The following ATF6 variants were observed in gnomAD, a reference collection of about 807,000 sequenced individuals.
ATF6 encodes activating transcription factor 6.
Under a neutral mutation model 83.6 loss-of-function variants are expected in ATF6, and 53 were observed. The ratio of observed to expected loss-of-function variants is 0.63; its 90% CI spans 0.51 to 0.80. The LOEUF is 0.80. Ranked by LOEUF, ATF6 falls within the 30% of genes least tolerant of loss-of-function variation. ATF6 has a pLI of 0.00. For synonymous variants in ATF6, 288 were observed against 285.8 expected, an observed-to-expected ratio of 1.01 and a Z score of -0.08; for missense variants, 744 against 797.9, an observed-to-expected ratio of 0.93 and a Z score of 0.81.
In ATF6 at chr1:161,866,743, TTTTG is replaced by T. The variant is rs531944067; in HGVS notation, c.1719+3451_1719+3454del. Among the ~76,000 whole-genome samples the T allele has an allele frequency of 4.9e-3, 752 of 152,216 alleles. 1 individual carries two copies. The highest frequency in any genetic ancestry group is 7.8e-3 in the Non-Finnish European group (530 of 68,002). On this transcript the variant is annotated intron_variant, in intron 14 of 15. Coordinates refer to ENST00000367942, the MANE Select transcript of ATF6 (RefSeq NM_007348.4). Reference sequence around the variant, plus strand: ...AAAATCCAATTAAGTTTAATGCCTTTTTTGTTTGTTTGTTTGTTTGTTTTAAGAG... The same window carrying T: ...AAAATCCAATTAAGTTTAATGCCTTTTTTGTTTGTTTGTTTGTTTTAAGAG...
intron 14 of ATF6, among the ~76,000 whole-genome samples, chr1:161,864,949 A>C (rs538390616): frequency 2.6e-5 from 4 of 152,366 alleles, no homozygotes; most frequent in South Asian, 2.1e-4. Flanking sequence ...ATTGTGTTGA[A>C]GTATATTTTA....
At chr1:161,860,507 T>TA (rs1055685610) in intron 13 of ATF6, among the ~76,000 whole-genome samples, 18 of 151,802 alleles carry the variant, frequency 1.2e-4, no homozygotes, top group Non-Finnish European at 2.7e-4. Context: ...ATCCCTTAAA[T>TA]ACAAATTTAG....
At chr1:161,889,666 T>G (rs1687507470) in intron 14 of ATF6, among the ~76,000 whole-genome samples, 1 of 152,268 alleles carries the variant, frequency 6.6e-6, no homozygotes, top group Non-Finnish European at 1.5e-5. Flanking sequence ...GTTTACAGTC[T>G]GAGGTGACAG....
Position 161,958,807 on chromosome 1 carries a change from C to A in ATF6, c.*153C>A. On this transcript the variant is annotated 3_prime_UTR_variant, in exon 16 of 16. Transcript: ENST00000367942. Reference sequence around the variant, plus strand: ...GAAGAAGAAATAAAAGAAGCTGCTCCATTTTTCATCATCTACCCATCTATT... The same window carrying A: ...GAAGAAGAAATAAAAGAAGCTGCTCAATTTTTCATCATCTACCCATCTATT... The A allele has an allele frequency of 1.6e-6, 1 of 609,118 alleles. No homozygotes were observed. The highest frequency in any genetic ancestry group is 1.9e-5 in the African/African-American group (1 of 54,034). The allele number at this position is 609,118 out of a possible 1,614,324, so 37.7% of individuals were successfully genotyped here.
chr1:161,868,495 A>T (rs1687057700), intron 14 of ATF6, among the ~76,000 whole-genome samples: 6 of 152,068 alleles, frequency 3.9e-5, no homozygotes, highest in Admixed American at 3.3e-4. Context: ...CTATATGATA[A>T]GCCTTTTGAA....
chr1:161,847,151 G>A (rs1686504034), intron 10 of ATF6, among the ~76,000 whole-genome samples: 1 of 152,100 alleles, frequency 6.6e-6, no homozygotes, highest in South Asian at 2.1e-4. Context: ...AAGGTATAGT[G>A]GACATTTTTA....
chr1:161,844,273 CT>C (rs2101816520), intron 9 of ATF6, among the ~76,000 whole-genome samples: 1 of 152,184 alleles, frequency 6.6e-6, no homozygotes, highest in South Asian at 2.1e-4. Flanking sequence ...TCAGACTATG[CT>C]GTAAAGAGGA....
intron 12 of ATF6, among the ~76,000 whole-genome samples, chr1:161,857,450 A>G (rs1182767189): frequency 1.3e-5 from 2 of 152,204 alleles, no homozygotes; most frequent in East Asian, 3.8e-4. Flanking sequence ...TAGAGAAGGT[A>G]AAGGGGAAAA....
intron 15 of ATF6, among the ~76,000 whole-genome samples, chr1:161,934,945 T>G (rs546060890): frequency 2.1e-4 from 32 of 152,328 alleles, no homozygotes; most frequent in South Asian, 1.7e-3. Context: ...TACCCTTGAT[T>G]CAAGTGACCT....
intron 15 of ATF6, among the ~76,000 whole-genome samples, chr1:161,952,128 CA>C (rs1688876361): frequency 6.6e-6 from 1 of 152,122 alleles, no homozygotes; most frequent in South Asian, 2.1e-4. Flanking sequence ...GTGTTCCCAG[CA>C]TTCTCTCCCC....
intron 7 of ATF6, among the ~76,000 whole-genome samples, chr1:161,813,555 A>G (rs1346760108): frequency 2.6e-5 from 4 of 152,156 alleles, no homozygotes; most frequent in African/African-American, 9.7e-5. Flanking sequence ...CTCTTACTAA[A>G]TATAATGCAC....
chr1:161,893,091 C>CT (rs2101871680), intron 14 of ATF6, among the ~76,000 whole-genome samples: 1 of 152,344 alleles, frequency 6.6e-6, no homozygotes, highest in South Asian at 2.1e-4. Flanking sequence ...AATTACTGCA[C>CT]TGTGAGTCTA....
chr1:161,831,621 A>G (rs1227084196), intron 9 of ATF6, among the ~76,000 whole-genome samples: 2 of 152,152 alleles, frequency 1.3e-5, no homozygotes, highest in African/African-American at 2.4e-5. Context: ...AGCCATAAAA[A>G]ATGATGAGTT....
chr1:161,915,811 C>G (rs1688086003), intron 15 of ATF6, among the ~76,000 whole-genome samples: 2 of 151,930 alleles, frequency 1.3e-5, no homozygotes, highest in African/African-American at 4.8e-5. Context: ...TTTGTAGAGA[C>G]AGAGTCTCCC....
chr1:161,930,024 T>C (rs1436735692), intron 15 of ATF6, among the ~76,000 whole-genome samples: 1 of 152,190 alleles, frequency 6.6e-6, no homozygotes, highest in Non-Finnish European at 1.5e-5. Context: ...GGAGTTCAGT[T>C]AGTATCCTCA....
chr1:161,843,615 A>G (rs1038138229), intron 9 of ATF6, among the ~76,000 whole-genome samples: 14 of 152,156 alleles, frequency 9.2e-5, no homozygotes, highest in Non-Finnish European at 1.0e-4. Flanking sequence ...TCCTTAGTAC[A>G]TAGTAGGTAC....
At chr1:161,855,938 G>A (rs991171513) in intron 12 of ATF6, among the ~76,000 whole-genome samples, 1 of 152,114 alleles carries the variant, frequency 6.6e-6, no homozygotes, top group African/African-American at 2.4e-5. Flanking sequence ...TAATAGAGGG[G>A]GAAGTGAAGA....
At chr1:161,783,845 T>C (rs1684689065) in intron 3 of ATF6, 145 bp from the exon 4 acceptor site, 1 of 599,750 alleles carries the variant, frequency 1.7e-6, no homozygotes, top group Admixed American at 3.0e-5. Flanking sequence ...GTTTTCTGCA[T>C]CTTTCATTTT....
intron 9 of ATF6, among the ~76,000 whole-genome samples, chr1:161,835,078 T>C (rs973897452): frequency 6.6e-6 from 1 of 152,206 alleles, no homozygotes; most frequent in Non-Finnish European, 1.5e-5. Context: ...ATTTTTTATT[T>C]TTATTTTTAG....
Sources: gnomAD v4.1 joint callset for allele counts (sites outside exome capture counted in the v4.1 genomes callset) on GRCh38, gnomAD v4.1.1 for gene constraint, MANE v1.5 for transcripts, NCBI Gene and HGNC (gene_info 2026-07-23, HGNC 2026-07-21) for gene names.